FBXL7: variants seen among roughly 807,000 people sequenced by gnomAD.
The protein encoded by FBXL7 is F-box/LRR-repeat protein 7.
Under a neutral mutation model 38.3 loss-of-function variants are expected in FBXL7, and 12 were observed. The ratio of observed to expected loss-of-function variants is 0.31; its 90% confidence interval spans 0.20 to 0.51. FBXL7 has a LOEUF of 0.51. Ranked by LOEUF, FBXL7 falls within the 20% of genes least tolerant of loss-of-function variation. FBXL7 has a pLI of 0.98. For synonymous variants in FBXL7, 297 were observed against 300.9 expected, an observed-to-expected ratio of 0.99 and a Z score of 0.13; for missense variants, 567 against 676.4, an observed-to-expected ratio of 0.84 and a Z score of 1.79.
At chr5:15,629,057 T>G (rs530231395) in intron 2 of FBXL7, among the ~76,000 whole-genome samples, 1 of 151,912 alleles carries the variant, frequency 6.6e-6, no homozygotes, top group East Asian at 1.9e-4. Flanking sequence ...GTGGGAGGGT[T>G]GCTTGAGGCT....
At chr5:15,629,178 C>T (rs1415545153) in intron 2 of FBXL7, among the ~76,000 whole-genome samples, 1 of 149,774 alleles carries the variant, frequency 6.7e-6, no homozygotes, top group Non-Finnish European at 1.5e-5. Context: ...CCCAGCTGCT[C>T]AGGAGACTGA....
intron 2 of FBXL7, among the ~76,000 whole-genome samples, chr5:15,766,123 G>A (rs1736585010): frequency 1.3e-5 from 2 of 151,876 alleles, no homozygotes; most frequent in Non-Finnish European, 2.9e-5. Flanking sequence ...ACACCATATT[G>A]TTTCTTAGCT....
chr5:15,544,557 T>TACAC (rs142884662), intron 1 of FBXL7, among the ~76,000 whole-genome samples: 4 of 151,172 alleles, frequency 2.6e-5, no homozygotes, highest in African/African-American at 4.8e-5. Flanking sequence ...GCCTGTACAT[T>TACAC]ACACACACAC....
chr5:15,771,566 G>T (rs1467686418), intron 2 of FBXL7, among the ~76,000 whole-genome samples: 2 of 152,046 alleles, frequency 1.3e-5, no homozygotes, highest in Non-Finnish European at 2.9e-5. Flanking sequence ...TTGTAAATGG[G>T]ATAACCTCTG....
In FBXL7 at chr5:15,936,534, G is replaced by A. The variant is rs1286536913; in HGVS notation, c.824G>A (p.Arg275His). 5 of 1,613,522 alleles carry A rather than the reference G, an allele frequency of 3.1e-6. No homozygotes were observed. Among genetic ancestry groups the A allele is most frequent in the Non-Finnish European group, 4.2e-6 (5 of 1,179,896 alleles). The change falls in exon 4 of 4, where the codon CGC becomes CAC. Residue 275 changes from arginine to histidine, a missense_variant. Physicochemically the swap from Arg to His is conservative, Grantham distance 29. Coordinates refer to ENST00000504595, the MANE Select transcript of FBXL7 (RefSeq NM_012304.5). This position sits in a 1 kb window ranked among gnomAD's most constrained non-coding sequence, Gnocchi z 6.0. Reference sequence around the variant, plus strand: ...TTGCATGGCAAACAGATTTCCATCCGCTACCTGGACATGACGGACTGCTTC... The same window carrying A: ...TTGCATGGCAAACAGATTTCCATCCACTACCTGGACATGACGGACTGCTTC... ...SPLHGKQISI[R>H]YLDMTDCFVL... is the part of the protein sequence containing the mutation.
At chr5:15,637,317 A>G (rs1185327682) in intron 2 of FBXL7, among the ~76,000 whole-genome samples, 1 of 152,254 alleles carries the variant, frequency 6.6e-6, no homozygotes, top group African/African-American at 2.4e-5. Context: ...TCCAGGGACC[A>G]GAATACCACA....
At chr5:15,737,100 G>T (rs12522561) in intron 2 of FBXL7, among the ~76,000 whole-genome samples, 8,046 of 152,184 alleles carry the variant, frequency 0.053, 230 homozygotes, top group East Asian at 0.085. Flanking sequence ...CAGCATTTAA[G>T]ATTTGAGCCC....
chr5:15,915,676 G>A lies in FBXL7; in HGVS notation c.128-12214G>A, dbSNP rs142908360. 3.9e-3 allele frequency among the ~76,000 whole-genome samples: 586 copies of A among 152,202 alleles called. 1 individual carries two copies. Among genetic ancestry groups the A allele is most frequent in the African/African-American group, 0.013 (537 of 41,522 alleles). ...TTTTGCAGGGGACGCAATTCAACCC[G>A]TAACAGAAGGAATGAGCTAGTCAAG... is the stretch of plus-strand genomic sequence containing the variant. On this transcript the variant is annotated intron_variant, in intron 2 of 3. Coordinates refer to ENST00000504595, the MANE Select transcript of FBXL7 (RefSeq NM_012304.5).
chr5:15,623,293 G>C (rs528884278), intron 2 of FBXL7, among the ~76,000 whole-genome samples: 1 of 152,258 alleles, frequency 6.6e-6, no homozygotes, highest in Admixed American at 6.5e-5. Flanking sequence ...AGATTAGCTG[G>C]TTACCTAGGG....
At chr5:15,656,588 C>T (rs1171919041) in intron 2 of FBXL7, among the ~76,000 whole-genome samples, 1 of 152,128 alleles carries the variant, frequency 6.6e-6, no homozygotes, top group Admixed American at 6.6e-5. Flanking sequence ...CACCCGGTCC[C>T]TCCCACAACA....
At chr5:15,733,298 G>A (rs1735662196) in intron 2 of FBXL7, among the ~76,000 whole-genome samples, 1 of 152,070 alleles carries the variant, frequency 6.6e-6, no homozygotes, top group Non-Finnish European at 1.5e-5. Flanking sequence ...TCACCACCTT[G>A]GCCAGGCTGG....
intron 2 of FBXL7, among the ~76,000 whole-genome samples, chr5:15,636,371 AC>A (rs1741189417): frequency 6.6e-6 from 1 of 152,160 alleles, no homozygotes. Flanking sequence ...GCTGCTAAAG[AC>A]CTGGATAGAA....
chr5:15,662,308 G>A (rs1742112367), intron 2 of FBXL7, among the ~76,000 whole-genome samples: 1 of 152,162 alleles, frequency 6.6e-6, no homozygotes, highest in Non-Finnish European at 1.5e-5. Flanking sequence ...TTTGAAAAGT[G>A]TCCGTTCATG....
intron 1 of FBXL7, among the ~76,000 whole-genome samples, chr5:15,602,619 A>G (rs182254667): frequency 6.6e-6 from 1 of 152,150 alleles, no homozygotes; most frequent in Admixed American, 6.5e-5. Flanking sequence ...ATGTTTAAAA[A>G]AGCAGTCGTA....
At chr5:15,503,187 G>A (rs201379114) in intron 1 of FBXL7, among the ~76,000 whole-genome samples, 2 of 152,144 alleles carry the variant, frequency 1.3e-5, no homozygotes, top group Admixed American at 1.3e-4. Flanking sequence ...TTGAGAGGCC[G>A]AGGCGGGCAG....
At chr5:15,509,272 C>CT (rs898994913) in intron 1 of FBXL7, among the ~76,000 whole-genome samples, 63 of 151,608 alleles carry the variant, frequency 4.2e-4, no homozygotes, top group Non-Finnish European at 6.2e-4. Context: ...TAGCTTCTTT[C>CT]TTTTTTTTTA....
chr5:15,914,385 CAAAAAA>C (rs57871930), intron 2 of FBXL7, among the ~76,000 whole-genome samples: 2 of 81,696 alleles, frequency 2.4e-5, no homozygotes, highest in Middle Eastern at 6.1e-3. Flanking sequence ...GACTCCCTCT[CAAAAAA>C]AAAAAAAAAA....
At chr5:15,695,202 C>CAGAG (rs1484264241) in intron 2 of FBXL7, among the ~76,000 whole-genome samples, 1 of 152,034 alleles carries the variant, frequency 6.6e-6, no homozygotes, top group African/African-American at 2.4e-5. Flanking sequence ...GTCTGCCTCT[C>CAGAG]CTCTAAGCCT....
chr5:15,584,796 T>C (rs1208697308), intron 1 of FBXL7, among the ~76,000 whole-genome samples: 1 of 152,208 alleles, frequency 6.6e-6, no homozygotes, highest in Non-Finnish European at 1.5e-5. Context: ...TGAGACTGGG[T>C]AATTTACAAA....
Sources: gnomAD v4.1 joint callset for allele counts (sites outside exome capture counted in the v4.1 genomes callset) on GRCh38, gnomAD v4.1.1 for gene constraint, Gnocchi (gnomAD v3.1) non-coding constraint, MANE v1.5 for transcripts, NCBI Gene and HGNC (gene_info 2026-07-23, HGNC 2026-07-21) for gene names.